The following MRC2 variants were observed in gnomAD, a reference collection of about 807,000 sequenced individuals.
MRC2 encodes C-type mannose receptor 2.
MRC2 carries 84 observed loss-of-function variants against 206.2 expected under a neutral mutation model. The ratio of observed to expected loss-of-function variants is 0.41; its 90% confidence interval spans 0.34 to 0.49. MRC2 has a LOEUF of 0.49. MRC2 is among the 20% of genes least tolerant of loss of function. The pLI, the probability that MRC2 is intolerant of heterozygous loss-of-function variation, is 0.31. For synonymous variants in MRC2, 798 were observed against 800.0 expected (o/e 1.00, Z 0.04); for missense variants, 1,676 against 2,001.5 (o/e 0.84, Z 3.10).
chr17:62,649,867 C>T (rs1282255900), intron 1 of MRC2, among the ~76,000 whole-genome samples: 1 of 150,856 alleles, frequency 6.6e-6, no homozygotes, highest in African/African-American at 2.4e-5. Context: ...GAAATAGATA[C>T]AGCCTTCTTG....
intron 1 of MRC2, among the ~76,000 whole-genome samples, chr17:62,648,349 C>T (rs1310379592): frequency 6.6e-6 from 1 of 152,182 alleles, no homozygotes; most frequent in African/African-American, 2.4e-5. Flanking sequence ...GGTTGCGTGA[C>T]TGCGCAAGGG....
chr17:62,668,822 CT>C (rs2088790192), intron 6 of MRC2, among the ~76,000 whole-genome samples: 1 of 152,106 alleles, frequency 6.6e-6, no homozygotes, highest in Non-Finnish European at 1.5e-5. Context: ...TGGACAGGGT[CT>C]GCTTTAGGGA....
At chr17:62,668,079 G>A (rs144817379) in intron 6 of MRC2, among the ~76,000 whole-genome samples, 3,422 of 152,200 alleles carry the variant, frequency 0.022, 69 homozygotes, top group Non-Finnish European at 0.031. Flanking sequence ...AGTGATGGCC[G>A]GGCACCGTGG....
At chr17:62,628,908 G>A (rs949375013) in intron 1 of MRC2, among the ~76,000 whole-genome samples, 4 of 152,202 alleles carry the variant, frequency 2.6e-5, no homozygotes, top group African/African-American at 9.6e-5. Context: ...GACAGTCCGT[G>A]CAGTGTCTGC....
chr17:62,668,794 G>C (rs754668086), intron 6 of MRC2, among the ~76,000 whole-genome samples: 1 of 152,102 alleles, frequency 6.6e-6, no homozygotes, highest in Non-Finnish European at 1.5e-5. Flanking sequence ...TAGGGGCCTC[G>C]TGGAGGAGTT....
intron 1 of MRC2, among the ~76,000 whole-genome samples, chr17:62,643,432 G>A (rs1263454865): frequency 6.6e-6 from 1 of 152,020 alleles, no homozygotes; most frequent in African/African-American, 2.4e-5. Flanking sequence ...GTTACCTTTA[G>A]TGCGGGAGAA....
intron 1 of MRC2, among the ~76,000 whole-genome samples, chr17:62,659,100 C>T (rs1014645446): frequency 2.6e-5 from 4 of 152,184 alleles, no homozygotes; most frequent in Non-Finnish European, 5.9e-5. Context: ...TGTCTTCTCA[C>T]TGTACCCTCA....
At chr17:62,655,240 C>G (rs748287147) in intron 1 of MRC2, among the ~76,000 whole-genome samples, 5 of 149,384 alleles carry the variant, frequency 3.3e-5, no homozygotes, top group African/African-American at 5.0e-5. Context: ...GAGTGGAGAT[C>G]GCTCCACTGC....
At chr17:62,663,046 ATG>A (rs1263613605) in intron 1 of MRC2, among the ~76,000 whole-genome samples, 7 of 152,206 alleles carry the variant, frequency 4.6e-5, no homozygotes, top group Non-Finnish European at 1.5e-5. Flanking sequence ...TGTACTCCAT[ATG>A]TGTGTTGTGT....
intron 23 of MRC2, chr17:62,689,314 C>T (rs1203982665): frequency 6.9e-6 from 4 of 582,054 alleles, no homozygotes; most frequent in African/African-American, 1.9e-5. Context: ...AGGAGGAGGT[C>T]AAGGCCCTCA....
At chr17:62,639,326 A>G (rs748327578) in intron 1 of MRC2, among the ~76,000 whole-genome samples, 11 of 142,684 alleles carry the variant, frequency 7.7e-5, no homozygotes, top group Non-Finnish European at 1.5e-4. Context: ...CCTAGGCAAC[A>G]GAGTGAGACT....
At position 62,689,622 on chromosome 17, in the gene MRC2, C is replaced by T. The variant is rs374959587; in HGVS notation, c.3435C>T (p.Arg1145=). Residue 1145 remains arginine (R), a synonymous_variant, in exon 24 of 30, where the codon CGC becomes CGT. Coordinates refer to ENST00000303375, the MANE Select transcript of MRC2 (RefSeq NM_006039.5). ...TCCGGCTGCTTCAGAAGCCGCTGCG[C>T]TGGCACGATGCCCTCCTGCTGTGTG... is the stretch of plus-strand genomic sequence containing the variant. ...GTFRLLQKPL[R]WHDALLLCES... is the part of the protein sequence containing the mutation. 4.0e-5 allele frequency: 64 copies of T among 1,602,848 alleles called. No homozygotes were observed. Among genetic ancestry groups the T allele is most frequent in the Non-Finnish European group, 5.0e-5 (59 of 1,175,142 alleles).
chr17:62,658,550 G>A (rs923186102), intron 1 of MRC2, among the ~76,000 whole-genome samples: 4 of 152,150 alleles, frequency 2.6e-5, no homozygotes, highest in Non-Finnish European at 5.9e-5. Flanking sequence ...AGCCCCTCCC[G>A]ACTAACCTGG....
At chr17:62,678,363 C>A in intron 12 of MRC2, 141 bp from the exon 13 acceptor site, 1 of 1,180,624 alleles carries the variant, frequency 8.5e-7, no homozygotes. Flanking sequence ...TGCAGATGAA[C>A]AGGATTGTCC....
In MRC2 at chr17:62,681,943, G is replaced by A; in HGVS notation, c.2803+6G>A. The A allele has an allele frequency of 6.2e-7, 1 of 1,612,222 alleles. No individual in the cohort carries two copies. The highest frequency in any genetic ancestry group is 1.3e-5 in the African/African-American group (1 of 75,006). On this transcript the variant is annotated splice_donor_region_variant and intron_variant, in intron 19 of 29. Transcript: ENST00000303375. ...GTACATGACAGCCAGCCGAGGTGAG[G>A]GCAAGGTGGGGGCAGAGTGCGCAGT...
At chr17:62,629,980 G>C (rs2084203656) in intron 1 of MRC2, among the ~76,000 whole-genome samples, 2 of 152,254 alleles carry the variant, frequency 1.3e-5, no homozygotes, top group Admixed American at 6.5e-5. Flanking sequence ...GGTGCGTGAT[G>C]GTGGAATCCA....
chr17:62,681,522 C>T lies in MRC2; in HGVS notation c.2703-315C>T, dbSNP rs1598993964. On this transcript the variant is annotated intron_variant, in intron 18 of 29. Coordinates refer to ENST00000303375, the MANE Select transcript of MRC2 (RefSeq NM_006039.5). ...TTACCATGTACTGGGGGGCTTGAGG[C>T]AGGAAGGACCAGGAGCACCTGGGAC... The T allele has an allele frequency of 2.0e-5, 9 of 449,936 alleles. No homozygotes were observed. In the East Asian group the frequency reaches 4.1e-4, roughly 20 times the overall value. The allele number at this position is 449,936 out of a possible 1,614,324, so 27.9% of individuals were successfully genotyped here.
In MRC2 at chr17:62,688,845, C is replaced by A; in HGVS notation, c.3226-7C>A. Reference sequence around the variant, plus strand: ...TGGGGCTCCCCTGAGCAGCTCCCTCCCCCCAGACCAGCTGTGCAGTGGTCC... The same window carrying A: ...TGGGGCTCCCCTGAGCAGCTCCCTCACCCCAGACCAGCTGTGCAGTGGTCC... On this transcript the variant is annotated splice_polypyrimidine_tract_variant and splice_region_variant and intron_variant, in intron 22 of 29. Coordinates refer to ENST00000303375, the MANE Select transcript of MRC2 (RefSeq NM_006039.5). 1 of 1,605,320 alleles carries A rather than the reference C, an allele frequency of 6.2e-7. No individual in the cohort carries two copies. The highest frequency in any genetic ancestry group is 2.2e-5 in the East Asian group (1 of 44,700).
rs565262796 is a variant in MRC2 at position 62,648,353 on chromosome 17, G to T, written c.119-16195G>T. 3.9e-5 allele frequency among the ~76,000 whole-genome samples: 6 copies of T among 152,330 alleles called. No homozygotes were observed. In the South Asian group the frequency reaches 1.0e-3, roughly 26 times the overall value. On this transcript the variant is annotated intron_variant, in intron 1 of 29. Transcript: ENST00000303375. ...CGGGAGGCGGAGGTTGCGTGACTGC[G>T]CAAGGGTCCTGGTGAGGGTCCCAGG...
Sources: allele counts gnomAD v4.1 joint callset (sites outside exome capture counted in the v4.1 genomes callset), GRCh38; gene constraint gnomAD v4.1.1; transcripts MANE v1.5; gene names NCBI Gene and HGNC (gene_info 2026-07-23, HGNC 2026-07-21).